DDR2: variants seen among roughly 807,000 people sequenced by gnomAD.
DDR2 encodes the protein discoidin domain receptor tyrosine kinase 2, also known as discoidin domain-containing receptor 2.
Under a neutral mutation model 94.9 loss-of-function variants are expected in DDR2, and 27 were observed. The observed-to-expected ratio is 0.28, with a 90% CI of 0.21 to 0.39. The LOEUF is 0.39. Ranked by LOEUF, DDR2 falls within the 10% of genes least tolerant of loss-of-function variation. The pLI is 1.00. For missense variants in DDR2, 783 were observed against 1,076.0 expected (o/e 0.73, Z 3.81); for synonymous variants, 382 against 377.2 (o/e 1.01, Z -0.15).
intron 2 of DDR2, among the ~76,000 whole-genome samples, chr1:162,665,027 G>A (rs1380221265): frequency 3.9e-5 from 6 of 152,176 alleles, no homozygotes; most frequent in South Asian, 2.1e-4. Flanking sequence ...TACAGAATTG[G>A]TTTGACATTC....
At chr1:162,748,702 A>T (rs957602153) in intron 3 of DDR2, among the ~76,000 whole-genome samples, 17 of 152,244 alleles carry the variant, frequency 1.1e-4, no homozygotes, top group Admixed American at 3.3e-4. Flanking sequence ...CAGCATATAC[A>T]TTCTTCTCAG....
At position 162,761,228 on chromosome 1, in the gene DDR2, G is replaced by C; in HGVS notation, c.873G>C (p.Met291Ile). 6.2e-7 allele frequency: 1 copy of C among 1,614,112 alleles called. No homozygotes were observed. Among genetic ancestry groups the C allele is most frequent in the Non-Finnish European group, 8.5e-7 (1 of 1,180,016 alleles). ...TCTACCAGGTCCACTGCAACAACAT[G>C]TTTGCTAAAGGTGTGAAGATCTTTA... ...FTTMKVHCNNMFAKGVKIFKE... is the reference protein window; with the variant it reads ...FTTMKVHCNNIFAKGVKIFKE... Residue 291 changes from methionine to isoleucine, a missense_variant, in exon 9 of 18, where the codon ATG becomes ATC. This residue lies in a region of DDR2 where 519 missense variants were observed against 647.9 expected (regional missense o/e 0.80). Coordinates refer to ENST00000367921, the MANE Select transcript of DDR2 (RefSeq NM_006182.4).
Position 162,755,216 on chromosome 1 carries a change from G to T in DDR2, c.478G>T (p.Val160Leu). ...CCTAAAGGACTTGGAGCCGCCCATT[G>T]TAGCCAGATTTGTCCGGTTCATTCC... ...IFLKDLEPPI[V>L]ARFVRFIPVT... is the part of the protein sequence containing the mutation. Residue 160 changes from valine (V) to leucine (L), a missense_variant, in exon 6 of 18, where the codon GTA becomes TTA. By Grantham distance (32) the Val-to-Leu change is conservative. This residue lies in a region of DDR2 where 519 missense variants were observed against 647.9 expected (regional missense o/e 0.80). Transcript: ENST00000367921. The T allele has an allele frequency of 1.2e-6, 2 of 1,614,084 alleles. No homozygotes were observed. The highest frequency in any genetic ancestry group is 8.5e-7 in the Non-Finnish European group (1 of 1,179,992).
chr1:162,773,144 G>A (rs1033013122), intron 13 of DDR2, among the ~76,000 whole-genome samples: 1 of 152,164 alleles, frequency 6.6e-6, no homozygotes, highest in African/African-American at 2.4e-5. Context: ...CTAATGAATC[G>A]AAGTTCAAGC....
chr1:162,699,324 A>C (rs1660327456), intron 2 of DDR2, among the ~76,000 whole-genome samples: 1 of 152,044 alleles, frequency 6.6e-6, no homozygotes, highest in Non-Finnish European at 1.5e-5. Context: ...ATCTATGTTC[A>C]CTCTGCTTGC....
chr1:162,661,802 T>A (rs1387462242), intron 2 of DDR2, among the ~76,000 whole-genome samples: 1 of 152,212 alleles, frequency 6.6e-6, no homozygotes, highest in East Asian at 1.9e-4. Context: ...GAATTGAGAT[T>A]CTTTTTCCTC....
chr1:162,633,875 A>G lies in DDR2; in HGVS notation c.-192+1244A>G, dbSNP rs548972539. Among the ~76,000 whole-genome samples, 19 of 152,370 alleles carry G rather than the reference A, an allele frequency of 1.2e-4. No homozygotes were observed. The South Asian group carries it at 3.1e-3, about 25-fold the overall frequency. On this transcript the variant is annotated intron_variant, in intron 1 of 17. Transcript: ENST00000367921. ...AATTCATGCTCAGAGCTCTTCATAC[A>G]TAATTTGATTGACTCTCACAGCTAT...
At chr1:162,633,733 G>A (rs752896625) in intron 1 of DDR2, among the ~76,000 whole-genome samples, 45 of 152,218 alleles carry the variant, frequency 3.0e-4, no homozygotes, top group Non-Finnish European at 4.8e-4. Context: ...TAATAGAGAG[G>A]ACGCCAATGG....
intron 2 of DDR2, among the ~76,000 whole-genome samples, chr1:162,656,842 T>A (rs1657998500): frequency 8.4e-6 from 1 of 119,280 alleles, no homozygotes; most frequent in Non-Finnish European, 1.8e-5. Flanking sequence ...AGTTTTTTTT[T>A]TTTTTTTATT....
At chr1:162,649,340 C>T (rs1023266133) in intron 1 of DDR2, among the ~76,000 whole-genome samples, 3 of 152,054 alleles carry the variant, frequency 2.0e-5, no homozygotes, top group African/African-American at 7.2e-5. Context: ...GAGGATGGCA[C>T]AGCATATATT....
At chr1:162,682,109 C>T (rs753754278) in intron 2 of DDR2, among the ~76,000 whole-genome samples, 2 of 152,014 alleles carry the variant, frequency 1.3e-5, no homozygotes, top group Non-Finnish European at 2.9e-5. Flanking sequence ...CCTGCCCGGG[C>T]TCCTCCCACC....
chr1:162,728,249 C>A (rs1295903937), intron 3 of DDR2, among the ~76,000 whole-genome samples: 1 of 138,214 alleles, frequency 7.2e-6, no homozygotes, highest in African/African-American at 2.7e-5. Flanking sequence ...TATATACATA[C>A]ATAGTCCATA....
At chr1:162,636,828 T>A (rs547373225) in intron 1 of DDR2, among the ~76,000 whole-genome samples, 1 of 152,268 alleles carries the variant, frequency 6.6e-6, no homozygotes, top group East Asian at 1.9e-4. Flanking sequence ...GGAGATGGAT[T>A]AAAAATGAGG....
intron 1 of DDR2, among the ~76,000 whole-genome samples, chr1:162,634,705 G>T (rs4657213): frequency 0.19 from 28,352 of 152,224 alleles, 3,195 homozygotes; most frequent in Admixed American, 0.29. Flanking sequence ...GGCCTGGTTT[G>T]ATATGATTCC....
intron 2 of DDR2, among the ~76,000 whole-genome samples, chr1:162,671,489 A>C (rs1234708775): frequency 6.6e-6 from 1 of 152,162 alleles, no homozygotes; most frequent in Non-Finnish European, 1.5e-5. Context: ...GGGTTATTCT[A>C]GGTGAAGGCC....
chr1:162,701,655 A>G (rs1276637711), intron 2 of DDR2, among the ~76,000 whole-genome samples: 1 of 152,260 alleles, frequency 6.6e-6, no homozygotes, highest in Non-Finnish European at 1.5e-5. Context: ...CTACAGCCTC[A>G]CAAGTAAGAT....
intron 9 of DDR2, among the ~76,000 whole-genome samples, chr1:162,765,224 T>A (rs1199504457): frequency 6.6e-6 from 1 of 152,092 alleles, no homozygotes; most frequent in Non-Finnish European, 1.5e-5. Flanking sequence ...GAGCTTTAAA[T>A]CCAATGCATA....
chr1:162,741,771 G>T (rs752405487), intron 3 of DDR2: 1 of 985,084 alleles, frequency 1.0e-6, no homozygotes, highest in African/African-American at 1.7e-5. Context: ...CAATGTGAGC[G>T]TTCTGATAAA....
rs926059594 is a variant in DDR2, at chr1:162,772,381, C to G, written c.1728+134C>G. On this transcript the variant is annotated intron_variant, in intron 13 of 17. Transcript: ENST00000367921. ...TCCATTTGTCTCTCCTTGCATTGTC[C>G]TCTGGATTTCAGTATTGGGTCAACC... The G allele has an allele frequency of 3.1e-6, 3 of 970,146 alleles. No homozygotes were observed. In the East Asian group the frequency reaches 7.9e-5, roughly 25 times the overall value. 60.1% of individuals were successfully genotyped at this position (970,146 alleles called of 1,614,324 possible).
Sources: gnomAD v4.1 joint callset for allele counts (sites outside exome capture counted in the v4.1 genomes callset) on GRCh38, gnomAD v4.1.1 for gene constraint, gnomAD v4.1.1 regional missense constraint, MANE v1.5 for transcripts, NCBI Gene and HGNC (gene_info 2026-07-23, HGNC 2026-07-21) for gene names.